The following MATN2 variants were observed in gnomAD, a reference collection of about 807,000 sequenced individuals.
MATN2 encodes the protein matrilin-2.
Under a neutral mutation model 103.2 loss-of-function variants are expected in MATN2, and 69 were observed. The observed-to-expected ratio is 0.67, with a 90% confidence interval of 0.55 to 0.82. The LOEUF (loss-of-function observed/expected upper bound fraction) is 0.82, where lower values mean the gene tolerates loss of function less well. Among genes scored for constraint, MATN2 ranks in the 40% least tolerant of loss-of-function variants. The pLI is 0.00. For missense variants in MATN2, 1,023 were observed against 1,211.5 expected, an observed-to-expected ratio of 0.84 and a Z score of 2.31; for synonymous variants, 429 against 450.2, an observed-to-expected ratio of 0.95 and a Z score of 0.60.
chr8:98,022,386 C>T (rs1043191747), intron 13 of MATN2, among the ~76,000 whole-genome samples: 1 of 152,070 alleles, frequency 6.6e-6, no homozygotes, highest in Non-Finnish European at 1.5e-5. Flanking sequence ...CACATACACA[C>T]ACCCTTTTTC....
intron 7 of MATN2, among the ~76,000 whole-genome samples, chr8:97,999,984 G>A (rs562244034): frequency 4.6e-5 from 7 of 151,384 alleles, no homozygotes; most frequent in Admixed American, 1.3e-4. Context: ...GGGTTCTAGC[G>A]ATCCTCTCAC....
chr8:97,964,906 G>A lies in MATN2; in HGVS notation c.958+3376G>A, dbSNP rs545375016. On this transcript the variant is annotated intron_variant, in intron 5 of 18. Transcript: ENST00000254898. ...ATACCACACGTCTGGCTAATTTTTT[G>A]TATTTTTGGTAGAGATGGGGTCTTG... Among the ~76,000 whole-genome samples the A allele has an allele frequency of 1.6e-3, 244 of 151,686 alleles. 1 individual carries two copies. The highest frequency in any genetic ancestry group is 5.8e-3 in the African/African-American group (239 of 41,326).
At position 97,893,516 on chromosome 8, in the gene MATN2, C is replaced by G. The variant is rs1049283252; in HGVS notation, c.142+5274C>G. Among the ~76,000 whole-genome samples the G allele has an allele frequency of 2.6e-5, 4 of 152,080 alleles. No individual in the cohort carries two copies. In the East Asian group the frequency reaches 5.8e-4, roughly 22 times the overall value. The stretch of plus-strand genomic sequence containing the variant: ...AGAACAACCAGTGGGGTATATCAGC[C>G]TTTTTGGAAACCTTAACCCTCCTTG... On this transcript the variant is annotated intron_variant, in intron 2 of 18. Coordinates refer to ENST00000254898, the MANE Select transcript of MATN2 (RefSeq NM_002380.5).
chr8:97,947,147 G>A (rs948671788), intron 4 of MATN2, among the ~76,000 whole-genome samples: 10 of 152,138 alleles, frequency 6.6e-5, no homozygotes, highest in Non-Finnish European at 1.3e-4. Context: ...TGAGTTGGGC[G>A]TATCACCTGA....
chr8:97,969,397 A>C (rs570878180), intron 5 of MATN2, among the ~76,000 whole-genome samples: 1 of 152,342 alleles, frequency 6.6e-6, no homozygotes, highest in African/African-American at 2.4e-5. Context: ...ATACATTGTA[A>C]GGTTTTATGG....
At chr8:97,885,919 G>A (rs1205112175) in intron 1 of MATN2, among the ~76,000 whole-genome samples, 5 of 152,222 alleles carry the variant, frequency 3.3e-5, no homozygotes, top group East Asian at 1.9e-4. Flanking sequence ...GAACCAGGCC[G>A]CACAGCAGGA....
At chr8:97,961,209 G>A (rs1811303556) in intron 4 of MATN2, among the ~76,000 whole-genome samples, 199 bp from the exon 5 acceptor site, 1 of 152,144 alleles carries the variant, frequency 6.6e-6, no homozygotes, top group Admixed American at 6.5e-5. Flanking sequence ...GATTACAGAT[G>A]GGGGGATTAC....
intron 1 of MATN2, among the ~76,000 whole-genome samples, chr8:97,875,696 T>G (rs2129929709): frequency 7.7e-6 from 1 of 130,020 alleles, no homozygotes; most frequent in East Asian, 2.1e-4. Flanking sequence ...GCCTGTTTTT[T>G]TTTTTTTTTT....
intron 7 of MATN2, 31 bp from the exon 8 acceptor site, chr8:98,003,630 C>G (rs1812858983): frequency 3.7e-6 from 6 of 1,612,988 alleles, no homozygotes; most frequent in Non-Finnish European, 4.2e-6. Context: ...GGTCCAGAGT[C>G]TGAAGGAAGG....
At chr8:97,947,238 G>T (rs566171539) in intron 4 of MATN2, among the ~76,000 whole-genome samples, 1 of 152,266 alleles carries the variant, frequency 6.6e-6, no homozygotes, top group African/African-American at 2.4e-5. Context: ...CTGGTGTGGT[G>T]GTGCATGCCT....
At chr8:98,027,041 A>C (rs1586171540) in intron 13 of MATN2, among the ~76,000 whole-genome samples, 1 of 152,094 alleles carries the variant, frequency 6.6e-6, no homozygotes, top group Non-Finnish European at 1.5e-5. Flanking sequence ...CACTAGGGTG[A>C]TGTCACCCTC....
At chr8:97,899,327 A>G (rs992436264) in intron 2 of MATN2, among the ~76,000 whole-genome samples, 2 of 152,222 alleles carry the variant, frequency 1.3e-5, no homozygotes, top group African/African-American at 4.8e-5. Flanking sequence ...GCCTATAGGA[A>G]AAGTAAATTA....
chr8:97,934,192 A>G (rs1199605425), intron 3 of MATN2, among the ~76,000 whole-genome samples: 1 of 152,218 alleles, frequency 6.6e-6, no homozygotes, highest in Non-Finnish European at 1.5e-5. Flanking sequence ...TGAAACTCTG[A>G]AGGCAGCCTT....
At chr8:98,008,756 T>G (rs1813060965) in intron 10 of MATN2, among the ~76,000 whole-genome samples, 1 of 152,176 alleles carries the variant, frequency 6.6e-6, no homozygotes, top group Non-Finnish European at 1.5e-5. Context: ...AAGCCAGATG[T>G]AAGGGGTTTG....
chr8:97,900,419 C>G (rs79019822), intron 2 of MATN2, among the ~76,000 whole-genome samples: 2,367 of 152,308 alleles, frequency 0.016, 66 homozygotes, highest in African/African-American at 0.052. Flanking sequence ...ATTATGTGTA[C>G]TGTGGGTCAT....
chr8:97,871,565 G>A (rs537679065), intron 1 of MATN2, among the ~76,000 whole-genome samples: 5 of 152,240 alleles, frequency 3.3e-5, no homozygotes, highest in East Asian at 1.9e-4. Flanking sequence ...AAGCTATGGA[G>A]GACTCCCCTG....
At chr8:97,978,327 C>T (rs1261188451) in intron 5 of MATN2, among the ~76,000 whole-genome samples, 1 of 152,212 alleles carries the variant, frequency 6.6e-6, no homozygotes, top group Non-Finnish European at 1.5e-5. Flanking sequence ...TGTATTTTCT[C>T]ATACATTGTT....
At chr8:97,961,720 G>T (rs1429175327) in intron 5 of MATN2, among the ~76,000 whole-genome samples, 190 bp downstream of exon 5, 1 of 152,156 alleles carries the variant, frequency 6.6e-6, no homozygotes, top group Non-Finnish European at 1.5e-5. Context: ...TGAGGTCAGC[G>T]TTTTCTTATT....
At chr8:97,998,225 T>TA (rs558691098) in intron 7 of MATN2, among the ~76,000 whole-genome samples, 6 of 147,512 alleles carry the variant, frequency 4.1e-5, no homozygotes, top group Admixed American at 6.8e-5. Flanking sequence ...AATCATTCTT[T>TA]AAAAAAAAAA....
Sources: allele counts gnomAD v4.1 joint callset (sites outside exome capture counted in the v4.1 genomes callset), GRCh38; gene constraint gnomAD v4.1.1; transcripts MANE v1.5; gene names NCBI Gene and HGNC (gene_info 2026-07-23, HGNC 2026-07-21).